Variants in MYT1L observed in about 807,000 individuals in gnomAD.
MYT1L encodes the protein myelin transcription factor 1 like.
A neutral mutation model predicts 126.7 loss-of-function variants in MYT1L; 12 were observed. The ratio of observed to expected loss-of-function variants is 0.09; its 90% CI spans 0.06 to 0.15. The LOEUF is 0.15. MYT1L is among the 10% of genes least tolerant of loss of function. MYT1L has a pLI of 1.00. For synonymous variants in MYT1L, 541 were observed against 604.2 expected, an observed-to-expected ratio of 0.90 and a Z score of 1.53; for missense variants, 979 against 1,585.2, an observed-to-expected ratio of 0.62 and a Z score of 6.49.
intron 23 of MYT1L, among the ~76,000 whole-genome samples, chr2:1,799,334 T>C (rs113651216): frequency 0.042 from 6,376 of 152,048 alleles, 194 homozygotes; most frequent in South Asian, 0.1. Context: ...GTGCCTGGGG[T>C]TCCTACTCTA....
At chr2:2,152,945 T>C (rs1046640333) in intron 3 of MYT1L, among the ~76,000 whole-genome samples, 45 of 152,106 alleles carry the variant, frequency 3.0e-4, no homozygotes, top group Non-Finnish European at 1.3e-4. Context: ...ACAAGGGGAA[T>C]AGATACTCCT....
intron 5 of MYT1L, among the ~76,000 whole-genome samples, chr2:1,995,359 C>T (rs989754459): frequency 2.0e-5 from 3 of 152,168 alleles, no homozygotes; most frequent in African/African-American, 4.8e-5. Context: ...TCACTGCGCT[C>T]TCCTGCTGGG....
intron 2 of MYT1L, among the ~76,000 whole-genome samples, chr2:2,239,497 G>A (rs1249587952): frequency 6.6e-6 from 1 of 152,158 alleles, no homozygotes; most frequent in African/African-American, 2.4e-5. Context: ...AGCAGTTACT[G>A]GTTACTTATA....
intron 8 of MYT1L, among the ~76,000 whole-genome samples, chr2:1,962,400 C>T (rs944255666): frequency 6.6e-5 from 10 of 152,252 alleles, no homozygotes; most frequent in Middle Eastern, 3.4e-3. Flanking sequence ...AAAATGAGAA[C>T]GATCAACCGA....
In MYT1L at chr2:1,909,902, A is replaced by C. The variant is rs1014523482; in HGVS notation, c.1817+338T>G. ...CTATCCTGCAAAATATGACAAAATT[A>C]CCTTGGACATCTCAGTAATTTTCAA... On this transcript the variant is annotated intron_variant, in intron 13 of 24. Coordinates refer to ENST00000647738, the MANE Select transcript of MYT1L (RefSeq NM_001303052.2). 2.6e-5 allele frequency among the ~76,000 whole-genome samples: 4 copies of C among 152,354 alleles called. No individual in the cohort carries two copies. The East Asian group carries it at 7.7e-4, about 29-fold the overall frequency.
chr2:2,192,016 A>T lies in MYT1L; in HGVS notation c.-420-19028T>A, dbSNP rs553693363. The stretch of plus-strand genomic sequence containing the variant: ...GTCTGGAGGAAAGTAAGAGCCAATT[A>T]GTCCTACTGGAACCTGGCAGAAATC... On this transcript the variant is annotated intron_variant, in intron 2 of 24. Coordinates refer to ENST00000647738, the MANE Select transcript of MYT1L (RefSeq NM_001303052.2). 2.6e-5 allele frequency among the ~76,000 whole-genome samples: 4 copies of T among 152,382 alleles called. No homozygotes were observed. In the South Asian group the frequency reaches 6.2e-4, roughly 24 times the overall value.
At chr2:1,845,309 T>C (rs1174321380) in intron 19 of MYT1L, among the ~76,000 whole-genome samples, 1 of 152,156 alleles carries the variant, frequency 6.6e-6, no homozygotes, top group Non-Finnish European at 1.5e-5. Flanking sequence ...GTCGTTTTCT[T>C]TTCGTGAATG....
chr2:2,097,622 C>G (rs184775280), intron 3 of MYT1L, among the ~76,000 whole-genome samples: 1 of 152,210 alleles, frequency 6.6e-6, no homozygotes, highest in South Asian at 2.1e-4. Context: ...GATGGAGATG[C>G]GTGGTGAAAA....
At chr2:1,813,326 CCCTGGG>C (rs2037004607) in intron 21 of MYT1L, among the ~76,000 whole-genome samples, 1 of 152,130 alleles carries the variant, frequency 6.6e-6, no homozygotes, top group Non-Finnish European at 1.5e-5. Flanking sequence ...TCAGCGAGGC[CCCTGGG>C]CCTCAGCCTG....
intron 21 of MYT1L, among the ~76,000 whole-genome samples, chr2:1,817,761 AAGG>A: frequency 1.3e-5 from 2 of 152,296 alleles, no homozygotes; most frequent in Middle Eastern, 6.8e-3. Context: ...TGGCTCAGCC[AAGG>A]AGGTCAGCCC....
chr2:2,218,018 C>T (rs550661093), intron 2 of MYT1L, among the ~76,000 whole-genome samples: 5 of 152,216 alleles, frequency 3.3e-5, no homozygotes, highest in South Asian at 2.1e-4. Flanking sequence ...AACCACAACA[C>T]GATGTCCTAC....
intron 22 of MYT1L, among the ~76,000 whole-genome samples, chr2:1,802,235 A>G (rs927207222): frequency 6.6e-6 from 1 of 152,162 alleles, no homozygotes; most frequent in Non-Finnish European, 1.5e-5. Flanking sequence ...CTCTGCAGGT[A>G]CGTTCACCAA....
chr2:2,127,587 C>T (rs1302502667), intron 3 of MYT1L, among the ~76,000 whole-genome samples: 1 of 152,206 alleles, frequency 6.6e-6, no homozygotes, highest in East Asian at 1.9e-4. Flanking sequence ...TAAGCAGCTG[C>T]TCTTCTGACT....
At chr2:2,312,562 G>A (rs555365607) in intron 1 of MYT1L, among the ~76,000 whole-genome samples, 2 of 152,194 alleles carry the variant, frequency 1.3e-5, no homozygotes, top group Admixed American at 1.3e-4. Flanking sequence ...GCAGTGAGCT[G>A]TGATTGCACC....
At chr2:2,242,831 A>T (rs1289022946) in intron 2 of MYT1L, among the ~76,000 whole-genome samples, 1 of 152,254 alleles carries the variant, frequency 6.6e-6, no homozygotes, top group Non-Finnish European at 1.5e-5. Flanking sequence ...GAGGAAATGA[A>T]GTACATTCCT....
intron 15 of MYT1L, among the ~76,000 whole-genome samples, chr2:1,891,792 G>C (rs1443086081): frequency 6.6e-6 from 1 of 152,300 alleles, no homozygotes; most frequent in South Asian, 2.1e-4. Context: ...ATCCATTCAC[G>C]CACGTTCATC....
At chr2:1,820,224 G>A (rs1321390846) in intron 21 of MYT1L, among the ~76,000 whole-genome samples, 1 of 152,194 alleles carries the variant, frequency 6.6e-6, no homozygotes, top group Non-Finnish European at 1.5e-5. Flanking sequence ...ATAGAATACT[G>A]AGTGTGCAAT....
intron 3 of MYT1L, among the ~76,000 whole-genome samples, chr2:2,131,040 G>C (rs758472449): frequency 5.9e-5 from 9 of 152,322 alleles, no homozygotes; most frequent in Middle Eastern, 3.4e-3. Flanking sequence ...AGCTGAAAGA[G>C]AGGGAAATCT....
chr2:2,109,897 A>C (rs1380827130), intron 3 of MYT1L, among the ~76,000 whole-genome samples: 4 of 119,224 alleles, frequency 3.4e-5, no homozygotes, highest in African/African-American at 8.8e-5. Flanking sequence ...ATATATATAT[A>C]TATATATATA....
Sources: gnomAD v4.1 joint callset for allele counts (sites outside exome capture counted in the v4.1 genomes callset) on GRCh38, gnomAD v4.1.1 for gene constraint, MANE v1.5 for transcripts, NCBI Gene and HGNC (gene_info 2026-07-23, HGNC 2026-07-21) for gene names.